The following HACD2 variants were observed in gnomAD, a reference collection of about 807,000 sequenced individuals.
HACD2 encodes 3-hydroxyacyl-CoA dehydratase 2.
Under a neutral mutation model 31.0 loss-of-function variants are expected in HACD2, and 15 were observed. The ratio of observed to expected loss-of-function variants is 0.48; its 90% CI spans 0.32 to 0.75. The LOEUF (loss-of-function observed/expected upper bound fraction) is 0.75, where lower values mean the gene tolerates loss of function less well. Ranked by LOEUF, HACD2 falls within the 30% of genes least tolerant of loss-of-function variation. HACD2 has a pLI of 0.03. For synonymous variants in HACD2, 115 were observed against 122.2 expected (o/e 0.94, Z 0.39); for missense variants, 283 against 313.0 (o/e 0.90, Z 0.72).
chr3:123,575,452 C>T (rs1403127348), intron 2 of HACD2, among the ~76,000 whole-genome samples: 1 of 152,124 alleles, frequency 6.6e-6, no homozygotes, highest in Non-Finnish European at 1.5e-5. Context: ...GTTTCTCAGA[C>T]CCACTAGCCA....
chr3:123,527,994 C>T (rs1028962495), intron 4 of HACD2, among the ~76,000 whole-genome samples: 1 of 152,152 alleles, frequency 6.6e-6, no homozygotes, highest in African/African-American at 2.4e-5. Context: ...TGTGGTGGCT[C>T]ATGCCTGAAA....
chr3:123,511,007 A>T (rs13433752), intron 4 of HACD2, among the ~76,000 whole-genome samples: 1 of 149,876 alleles, frequency 6.7e-6, no homozygotes, highest in East Asian at 2.0e-4. Context: ...GGTATCTCAC[A>T]GTAGTTTTGA....
chr3:123,561,332 A>C (rs753773166), intron 3 of HACD2, among the ~76,000 whole-genome samples: 2 of 152,080 alleles, frequency 1.3e-5, no homozygotes, highest in Non-Finnish European at 2.9e-5. Flanking sequence ...TTGAGGGAGG[A>C]GTGCAAGCTG....
chr3:123,504,542 AC>A (rs2055949160), intron 4 of HACD2, among the ~76,000 whole-genome samples: 1 of 151,506 alleles, frequency 6.6e-6, no homozygotes, highest in South Asian at 2.1e-4. Flanking sequence ...AAAAAAAAAA[AC>A]AAACAAAACC....
intron 4 of HACD2, among the ~76,000 whole-genome samples, chr3:123,525,164 G>A (rs1255863217): frequency 2.0e-5 from 3 of 152,156 alleles, no homozygotes; most frequent in African/African-American, 4.8e-5. Context: ...AGAAGGGGGC[G>A]GGACACAGCT....
At chr3:123,544,139 C>T (rs971589816) in intron 3 of HACD2, among the ~76,000 whole-genome samples, 3 of 152,140 alleles carry the variant, frequency 2.0e-5, no homozygotes, top group Non-Finnish European at 4.4e-5. Flanking sequence ...TGGCGTTCCC[C>T]GAGTAGGAGG....
intron 4 of HACD2, among the ~76,000 whole-genome samples, chr3:123,504,887 A>AAATGT (rs10650547): frequency 1 from 152,010 of 152,326 alleles, 75,851 homozygotes; most frequent in Middle Eastern, 1. Context: ...CAAAATGGAC[A>AAATGT]AATGCATAAC....
intron 3 of HACD2, among the ~76,000 whole-genome samples, chr3:123,552,148 G>A (rs2056626399): frequency 6.6e-6 from 1 of 152,172 alleles, no homozygotes; most frequent in South Asian, 2.1e-4. Flanking sequence ...GAAAGAGACA[G>A]TCTACCCTAA....
chr3:123,532,077 C>T (rs2056368992), intron 3 of HACD2, among the ~76,000 whole-genome samples: 1 of 152,168 alleles, frequency 6.6e-6, no homozygotes, highest in Non-Finnish European at 1.5e-5. Flanking sequence ...TTTATACTCC[C>T]ACCAGCAATA....
At chr3:123,569,816 C>T (rs1445330844) in intron 2 of HACD2, among the ~76,000 whole-genome samples, 1 of 151,678 alleles carries the variant, frequency 6.6e-6, no homozygotes, top group Non-Finnish European at 1.5e-5. Context: ...GGTGAAACCC[C>T]ATCTCTACTA....
At chr3:123,547,566 G>C (rs1301368392) in intron 3 of HACD2, among the ~76,000 whole-genome samples, 2 of 152,172 alleles carry the variant, frequency 1.3e-5, no homozygotes, top group African/African-American at 4.8e-5. Flanking sequence ...TCCTTACCAT[G>C]TATCAACAAG....
chr3:123,534,482 A>C (rs1268907524), intron 3 of HACD2, among the ~76,000 whole-genome samples: 1 of 152,082 alleles, frequency 6.6e-6, no homozygotes, highest in Non-Finnish European at 1.5e-5. Context: ...ATAGCATGTC[A>C]TATAAAAGTC....
chr3:123,504,844 T>C (rs1167954881), intron 4 of HACD2, among the ~76,000 whole-genome samples: 31 of 152,032 alleles, frequency 2.0e-4, no homozygotes, highest in Admixed American at 2.0e-3. Context: ...ATTGACCTTA[T>C]GTGATTTATA....
chr3:123,568,271 A>C (rs979237300), intron 2 of HACD2, among the ~76,000 whole-genome samples: 16 of 152,088 alleles, frequency 1.1e-4, no homozygotes, highest in African/African-American at 3.9e-4. Context: ...CAATGATCTC[A>C]CTGCAGAGGT....
At chr3:123,545,138 TG>T (rs1405883453) in intron 3 of HACD2, among the ~76,000 whole-genome samples, 2 of 143,472 alleles carry the variant, frequency 1.4e-5, no homozygotes, top group African/African-American at 2.7e-5. Context: ...TGGTACTAGC[TG>T]TTTTTTTTTT....
At chr3:123,507,388 G>GATAT (rs147698446) in intron 4 of HACD2, among the ~76,000 whole-genome samples, 13 of 151,598 alleles carry the variant, frequency 8.6e-5, no homozygotes, top group African/African-American at 2.4e-4. Context: ...AACGACAAGT[G>GATAT]ATATATATAT....
chr3:123,508,006 G>GA lies in HACD2; in HGVS notation c.382-5326dup, dbSNP rs149137992. ...TGAGACCCCCCCTCTCTTAAAAAAA[G>GA]AAAAAAAAAGGAGTTTGCTTTAAAT... On this transcript the variant is annotated intron_variant, in intron 4 of 6. Transcript: ENST00000383657. 5.6e-3 allele frequency among the ~76,000 whole-genome samples: 843 copies of GA among 149,886 alleles called. 9 individuals are homozygous for GA. The highest frequency in any genetic ancestry group is 0.019 in the African/African-American group (770 of 40,844).
At chr3:123,499,261 TA>T (rs373970384) in intron 6 of HACD2, 504 of 155,206 alleles carry the variant, frequency 3.2e-3, no homozygotes, top group South Asian at 9.3e-3. Context: ...AATGAAACTC[TA>T]AAAAAAAAAA....
intron 2 of HACD2, among the ~76,000 whole-genome samples, chr3:123,577,654 ATAAT>A (rs952790152): frequency 3.3e-5 from 5 of 151,702 alleles, no homozygotes; most frequent in Non-Finnish European, 5.9e-5. Flanking sequence ...TGTCTTTGCT[ATAAT>A]TACAGTCTTA....
Sources: allele counts gnomAD v4.1 joint callset (sites outside exome capture counted in the v4.1 genomes callset), GRCh38; gene constraint gnomAD v4.1.1; transcripts MANE v1.5; gene names NCBI Gene and HGNC (gene_info 2026-07-23, HGNC 2026-07-21).